Variants in PTPRQ observed in about 807,000 individuals in gnomAD.
PTPRQ encodes phosphatidylinositol phosphatase PTPRQ.
A neutral mutation model predicts 246.0 loss-of-function variants in PTPRQ; 199 were observed. The observed-to-expected ratio is 0.81, with a 90% confidence interval of 0.72 to 0.91. The LOEUF (loss-of-function observed/expected upper bound fraction) is 0.91, where lower values mean the gene tolerates loss of function less well. PTPRQ is among the 40% of genes least tolerant of loss of function. The probability of loss-of-function intolerance (pLI) is 0.00; values close to 1 mark genes in which losing one functional copy is unlikely to be tolerated. For synonymous variants in PTPRQ, 869 were observed against 853.2 expected (o/e 1.02, Z -0.32); for missense variants, 2,624 against 2,528.4 (o/e 1.04, Z -0.81).
intron 30 of PTPRQ, among the ~76,000 whole-genome samples, chr12:80,617,732 TTA>T (rs1898817166): frequency 6.6e-6 from 1 of 151,424 alleles, no homozygotes; most frequent in African/African-American, 2.4e-5. Context: ...CCTAGAGAAA[TTA>T]TGTTTTCTCT....
intron 8 of PTPRQ, among the ~76,000 whole-genome samples, chr12:80,479,922 T>G (rs1200111451): frequency 3.3e-5 from 5 of 151,520 alleles, no homozygotes; most frequent in African/African-American, 1.2e-4. Context: ...ACATTAATAA[T>G]GGGAGACTTT....
intron 39 of PTPRQ, among the ~76,000 whole-genome samples, chr12:80,666,004 G>A (rs1367188791): frequency 1.3e-5 from 2 of 151,912 alleles, no homozygotes; most frequent in Admixed American, 1.3e-4. Context: ...ACACTATTTA[G>A]TTTTCCTCAG....
At position 80,635,011 on chromosome 12, in the gene PTPRQ, A is replaced by T. The variant is rs1236521117; in HGVS notation, c.5853A>T (p.Lys1951Asn). The T allele has an allele frequency of 6.4e-7, 1 of 1,551,472 alleles. No homozygotes were observed. Among genetic ancestry groups the T allele is most frequent in the Non-Finnish European group, 8.7e-7 (1 of 1,146,838 alleles). ...SPQDAEIIDT[K>N]LKLDQLITVA... ...AGGATGCAGAAATTATTGACACTAA[A>T]TTGAAGCTGGATCAGCTCATCACAG... Residue 1951 changes from lysine to asparagine, a missense_variant, in exon 35 of 45, where the codon AAA becomes AAT. Lys to Asn is a moderately conservative substitution (Grantham distance 94, BLOSUM62 0). Coordinates refer to ENST00000644991, the MANE Select transcript of PTPRQ (RefSeq NM_001145026.2).
chr12:80,533,211 T>A (rs1326117770), intron 17 of PTPRQ, among the ~76,000 whole-genome samples: 1 of 152,068 alleles, frequency 6.6e-6, no homozygotes. Context: ...ATGTTCATTT[T>A]TTGGTTTTAG....
chr12:80,444,778 A>G lies in PTPRQ; in HGVS notation c.92A>G (p.Asp31Gly), dbSNP rs368090643. 7 of 1,540,556 alleles carry G rather than the reference A, an allele frequency of 4.5e-6. No individual in the cohort carries two copies. In the African/African-American group the frequency reaches 5.5e-5, roughly 12 times the overall value. ...AATGTCGTTCCTGGTACTAGGTACGATATAACCATCTCTTCAATTTCTACA... is the reference window on the plus strand; with the variant it reads ...AATGTCGTTCCTGGTACTAGGTACGGTATAACCATCTCTTCAATTTCTACA... ...VSNVVPGTRY[D>G]ITISSISTTY... is the part of the protein sequence containing the mutation. The change falls in exon 2 of 45, where the codon GAT (aspartate) becomes GGT (glycine). Residue 31 changes from aspartate to glycine, a missense_variant. Asp to Gly is a moderately conservative substitution (Grantham distance 94). Transcript: ENST00000644991.
rs916670999 is a variant in PTPRQ, at chr12:80,510,375, G to A, written c.2610G>A (p.Thr870=). Residue 870 remains threonine (T), a synonymous_variant, in exon 17 of 45, where the codon ACG becomes ACA. Transcript: ENST00000644991. The part of the protein sequence containing the change: ...DFSVKQLSGV[T]VKLSWQPPLE... Reference sequence around the variant, plus strand: ...CTGTAAAACAGTTGTCTGGTGTCACGGTGAAGTTGTCATGGCAACCACCCC... The same window carrying A: ...CTGTAAAACAGTTGTCTGGTGTCACAGTGAAGTTGTCATGGCAACCACCCC... The A allele has an allele frequency of 1.6e-5, 25 of 1,549,698 alleles. No homozygotes were observed. The highest frequency in any genetic ancestry group is 1.5e-4 in the East Asian group (6 of 40,780).
chr12:80,670,687 C>T (rs538071007), intron 42 of PTPRQ, among the ~76,000 whole-genome samples, 195 bp downstream of exon 42: 1 of 152,048 alleles, frequency 6.6e-6, no homozygotes, highest in East Asian at 1.9e-4. Context: ...AGTCTTGACT[C>T]GAGTCTTTTT....
intron 19 of PTPRQ, among the ~76,000 whole-genome samples, chr12:80,538,939 G>T (rs1217924650): frequency 6.6e-6 from 1 of 152,050 alleles, no homozygotes; most frequent in Admixed American, 6.6e-5. Context: ...GAATTTGAAT[G>T]CAGGTCTATA....
chr12:80,573,252 G>A (rs1897195396), intron 25 of PTPRQ, among the ~76,000 whole-genome samples: 1 of 152,192 alleles, frequency 6.6e-6, no homozygotes, highest in Non-Finnish European at 1.5e-5. Flanking sequence ...CTCTTTGGGA[G>A]GCCAAGGCAG....
chr12:80,622,197 A>G, intron 33 of PTPRQ, 63 bp downstream of exon 33: 1 of 1,178,556 alleles, frequency 8.5e-7, no homozygotes, highest in African/African-American at 1.6e-5. Context: ...AACATTTATT[A>G]GTAAATGTAT....
chr12:80,446,413 T>A (rs1892554746), intron 3 of PTPRQ, among the ~76,000 whole-genome samples: 1 of 151,908 alleles, frequency 6.6e-6, no homozygotes, highest in Admixed American at 6.6e-5. Flanking sequence ...GTATATAAAA[T>A]TTAGACTCCA....
chr12:80,637,233 A>T (rs1023531515), intron 35 of PTPRQ, among the ~76,000 whole-genome samples: 4 of 152,108 alleles, frequency 2.6e-5, no homozygotes, highest in Non-Finnish European at 5.9e-5. Context: ...CATGGCAGCT[A>T]CAGAAAAGTT....
chr12:80,480,105 T>C (rs1391034384), intron 8 of PTPRQ, among the ~76,000 whole-genome samples: 2 of 152,110 alleles, frequency 1.3e-5, no homozygotes, highest in Admixed American at 1.3e-4. Context: ...TATTCCAAAA[T>C]TGACTACATA....
intron 35 of PTPRQ, among the ~76,000 whole-genome samples, chr12:80,645,777 G>A (rs576091673): frequency 2.0e-5 from 3 of 152,098 alleles, no homozygotes; most frequent in South Asian, 4.1e-4. Context: ...TCCGTTGTAC[G>A]AAGAATGCCT....
At chr12:80,465,174 T>A (rs966743055) in intron 6 of PTPRQ, 12 of 150,008 alleles carry the variant, frequency 8.0e-5, no homozygotes, top group African/African-American at 3.0e-4. Flanking sequence ...AAAGGGGATA[T>A]TACCACTGAT....
intron 16 of PTPRQ, among the ~76,000 whole-genome samples, chr12:80,508,617 T>G (rs1039945452): frequency 6.6e-6 from 1 of 152,002 alleles, no homozygotes; most frequent in Non-Finnish European, 1.5e-5. Context: ...GATGACAAAT[T>G]GAATGCACTG....
intron 26 of PTPRQ, among the ~76,000 whole-genome samples, chr12:80,589,686 T>A (rs1897728207): frequency 6.6e-6 from 1 of 152,210 alleles, no homozygotes; most frequent in Non-Finnish European, 1.5e-5. Flanking sequence ...GTTAATATAA[T>A]TTGACATTTG....
chr12:80,569,231 G>A (rs972063190), intron 25 of PTPRQ, among the ~76,000 whole-genome samples: 7 of 148,744 alleles, frequency 4.7e-5, no homozygotes, highest in South Asian at 4.3e-4. Flanking sequence ...TTGTTCTTGC[G>A]ATAGTTTACT....
At chr12:80,448,535 C>T (rs899390181) in intron 3 of PTPRQ, among the ~76,000 whole-genome samples, 1 of 151,770 alleles carries the variant, frequency 6.6e-6, no homozygotes, top group African/African-American at 2.4e-5. Flanking sequence ...TCCCCCCACC[C>T]CACAACAGTC....
Sources: allele counts gnomAD v4.1 joint callset (sites outside exome capture counted in the v4.1 genomes callset), GRCh38; gene constraint gnomAD v4.1.1; transcripts MANE v1.5; gene names NCBI Gene and HGNC (gene_info 2026-07-23, HGNC 2026-07-21).